KHDRBS3: variants seen among roughly 807,000 people sequenced by gnomAD.
KHDRBS3 encodes the protein KH RNA binding domain containing, signal transduction associated 3, also known as KH domain-containing, RNA-binding, signal transduction-associated protein 3.
KHDRBS3 carries 23 observed loss-of-function variants against 45.6 expected under a neutral mutation model. That is an observed-to-expected ratio of 0.50 (90% CI 0.36 to 0.72). The LOEUF is 0.72. KHDRBS3 is among the 30% of genes least tolerant of loss of function. The probability of loss-of-function intolerance (pLI) is 0.00; values close to 1 mark genes in which losing one functional copy is unlikely to be tolerated. For synonymous variants in KHDRBS3, 162 were observed against 156.5 expected, an observed-to-expected ratio of 1.04 and a Z score of -0.26; for missense variants, 352 against 424.8, an observed-to-expected ratio of 0.83 and a Z score of 1.51.
chr8:135,497,299 G>T (rs1045701395), intron 1 of KHDRBS3, among the ~76,000 whole-genome samples: 2 of 152,180 alleles, frequency 1.3e-5, no homozygotes, highest in African/African-American at 2.4e-5. Flanking sequence ...GGATATGTCG[G>T]AAATGCTCCG....
Position 135,515,365 on chromosome 8 carries a change from TAAAAAAAAAAAAAAA to T in KHDRBS3, c.89-5849_89-5835del, listed in dbSNP as rs59502823. Among the ~76,000 whole-genome samples, 265 of 39,748 alleles carry T rather than the reference TAAAAAAAAAAAAAAA, an allele frequency of 6.7e-3. 12 individuals carry two copies. Among genetic ancestry groups the T allele is most frequent in the Admixed American group, 9.4e-3 (22 of 2,344 alleles). 26.1% of individuals were successfully genotyped at this position (39,748 alleles called of 152,430 possible). A position where few individuals can be genotyped will look rare whatever the true frequency, so the allele number is the denominator to read the frequency against. Reference sequence around the variant, plus strand: ...TGGGCGACAGAGCGAGACTCCGTCTTAAAAAAAAAAAAAAAAAAAAAAAAAAAAAAAAAAAAAGAT... The same window carrying T: ...TGGGCGACAGAGCGAGACTCCGTCTTAAAAAAAAAAAAAAAAAAAAAAGAT... On this transcript the variant is annotated intron_variant, in intron 1 of 8. Coordinates refer to ENST00000355849, the MANE Select transcript of KHDRBS3 (RefSeq NM_006558.3).
intron 2 of KHDRBS3, chr8:135,540,987 G>A (rs535061098): frequency 6.6e-6 from 1 of 152,332 alleles, no homozygotes; most frequent in East Asian, 1.9e-4. Flanking sequence ...GCGGGGACAG[G>A]CTGCTGTCAT....
intron 7 of KHDRBS3, among the ~76,000 whole-genome samples, chr8:135,632,876 A>G (rs1830662002): frequency 6.6e-6 from 1 of 152,102 alleles, no homozygotes; most frequent in Non-Finnish European, 1.5e-5. Flanking sequence ...TGTCCCCTGA[A>G]GAACTTGACA....
At chr8:135,559,917 A>G (rs1827085870) in intron 5 of KHDRBS3, among the ~76,000 whole-genome samples, 1 of 152,166 alleles carries the variant, frequency 6.6e-6, no homozygotes, top group South Asian at 2.1e-4. Flanking sequence ...GCATATAGAT[A>G]AGTAAAAAGA....
At chr8:135,569,388 G>A (rs1353674626) in intron 5 of KHDRBS3, among the ~76,000 whole-genome samples, 1 of 152,060 alleles carries the variant, frequency 6.6e-6, no homozygotes, top group African/African-American at 2.4e-5. Context: ...AAATTACTGG[G>A]CAAATTGGCA....
intron 2 of KHDRBS3, among the ~76,000 whole-genome samples, chr8:135,536,234 G>GTTTTTT (rs374782370): frequency 3.6e-4 from 31 of 86,410 alleles, no homozygotes; most frequent in East Asian, 1.0e-3. Context: ...TTTCTGTCCA[G>GTTTTTT]TTTTTTTTTT....
At chr8:135,487,827 A>G (rs1037165791) in intron 1 of KHDRBS3, among the ~76,000 whole-genome samples, 1 of 152,192 alleles carries the variant, frequency 6.6e-6, no homozygotes. Flanking sequence ...CCACCTGGGT[A>G]TCTGTACTGA....
chr8:135,498,203 A>T (rs1823557172), intron 1 of KHDRBS3, among the ~76,000 whole-genome samples: 1 of 152,172 alleles, frequency 6.6e-6, no homozygotes, highest in Admixed American at 6.5e-5. Flanking sequence ...CATAAAACAC[A>T]CTTTCCTTGG....
rs149036262 is a variant in KHDRBS3 at position 135,654,108 on chromosome 8, A to G, written c.*118-2118A>G. Among the ~76,000 whole-genome samples the G allele has an allele frequency of 4.4e-3, 663 of 152,336 alleles. 6 individuals carry two copies. Among genetic ancestry groups the G allele is most frequent in the African/African-American group, 0.015 (604 of 41,576 alleles). On this transcript the variant is annotated intron_variant and NMD_transcript_variant, in intron 4 of 4. Transcript: ENST00000521461. ...ATCACTATTTTTTACATAGAAAACA[A>G]TATACCATTTTCTCCCCTTGTTTCA...
intron 2 of KHDRBS3, among the ~76,000 whole-genome samples, chr8:135,525,184 C>T (rs1285782243): frequency 6.6e-6 from 1 of 152,112 alleles, no homozygotes; most frequent in Non-Finnish European, 1.5e-5. Context: ...GTTTTAGCAG[C>T]TAATTAACTT....
At chr8:135,530,458 A>G (rs1482127755) in intron 2 of KHDRBS3, among the ~76,000 whole-genome samples, 3 of 152,228 alleles carry the variant, frequency 2.0e-5, no homozygotes, top group East Asian at 1.9e-4. Context: ...ATGTAATTAC[A>G]TGAAAAATGG....
rs546075087 is a variant in KHDRBS3 at position 135,653,659 on chromosome 8, A to G, written c.*118-2567A>G. ...TATAAAATAGGCCTTGTGTTCGATG[A>G]TTCAGCCCAACCGTATGCTAATGTA... On this transcript the variant is annotated intron_variant and NMD_transcript_variant, in intron 4 of 4. Transcript: ENST00000521461. 2.6e-5 allele frequency among the ~76,000 whole-genome samples: 4 copies of G among 152,354 alleles called. No individual in the cohort carries two copies. In the South Asian group the frequency reaches 8.3e-4, roughly 32 times the overall value.
exon 5 of KHDRBS3, chr8:135,656,278 C>A (rs1475651136): frequency 2.0e-5 from 3 of 152,142 alleles, no homozygotes; most frequent in African/African-American, 4.8e-5. Flanking sequence ...CACCAACGTG[C>A]CTAGTCAGCA....
chr8:135,552,646 T>C (rs1028105031), intron 4 of KHDRBS3, among the ~76,000 whole-genome samples: 2 of 152,194 alleles, frequency 1.3e-5, no homozygotes, highest in South Asian at 2.1e-4. Context: ...CTGAGGTGTT[T>C]TTTAATTTTT....
chr8:135,599,102 C>G (rs1383389020), intron 6 of KHDRBS3, among the ~76,000 whole-genome samples: 1 of 152,168 alleles, frequency 6.6e-6, no homozygotes, highest in Non-Finnish European at 1.5e-5. Context: ...TGTTGTTTGG[C>G]CACGTGTCGG....
chr8:135,564,587 A>G (rs1236714295), intron 5 of KHDRBS3, among the ~76,000 whole-genome samples: 1 of 152,136 alleles, frequency 6.6e-6, no homozygotes, highest in Non-Finnish European at 1.5e-5. Flanking sequence ...AAATTTGGGG[A>G]AGCGTCTTTA....
At chr8:135,580,204 G>A (rs1340479091) in intron 5 of KHDRBS3, among the ~76,000 whole-genome samples, 1 of 152,244 alleles carries the variant, frequency 6.6e-6, no homozygotes, top group Non-Finnish European at 1.5e-5. Context: ...ACTGGTCCCA[G>A]CCTCTGATGA....
At chr8:135,583,639 C>T (rs76902413) in intron 6 of KHDRBS3, among the ~76,000 whole-genome samples, 261 of 152,194 alleles carry the variant, frequency 1.7e-3, no homozygotes, top group African/African-American at 5.9e-3. Flanking sequence ...ATTTTAATAT[C>T]GGGCAAGATA....
downstream of KHDRBS3, among the ~76,000 whole-genome samples, chr8:135,650,270 A>G (rs927055873): frequency 6.6e-6 from 1 of 152,148 alleles, no homozygotes; most frequent in Non-Finnish European, 1.5e-5. Context: ...GTATCTTTGC[A>G]TGAAGAAACC....
Sources: allele counts gnomAD v4.1 joint callset (sites outside exome capture counted in the v4.1 genomes callset), GRCh38; gene constraint gnomAD v4.1.1; transcripts MANE v1.5; gene names NCBI Gene and HGNC (gene_info 2026-07-23, HGNC 2026-07-21).